The following GCA variants were observed in gnomAD, a reference collection of about 807,000 sequenced individuals.
The protein encoded by GCA is grancalcin, EF-hand calcium-binding protein.
GCA carries 30 observed loss-of-function variants against 32.6 expected under a neutral mutation model. The observed-to-expected ratio is 0.92, with a 90% CI of 0.69 to 1.25. The LOEUF is 1.25. Among genes scored for constraint, GCA ranks in the 50% most tolerant of loss-of-function variants. The pLI is 0.00. For synonymous variants in GCA, 102 were observed against 84.6 expected (o/e 1.21, Z -1.13); for missense variants, 291 against 266.8 (o/e 1.09, Z -0.63).
intron 3 of GCA, 104 bp downstream of exon 3, chr2:162,352,511 C>T: frequency 1.4e-6 from 1 of 724,182 alleles, no homozygotes; most frequent in South Asian, 1.7e-5. Flanking sequence ...CACAGTTATA[C>T]ATGCACATAG....
chr2:162,364,600 G>A (rs927550485), downstream of GCA, among the ~76,000 whole-genome samples: 3 of 151,432 alleles, frequency 2.0e-5, no homozygotes, highest in Non-Finnish European at 4.4e-5. Flanking sequence ...TTAAGATGAA[G>A]GTTGGGAAAT....
downstream of GCA, among the ~76,000 whole-genome samples, chr2:162,366,172 G>C (rs1281784267): frequency 1.3e-5 from 2 of 151,630 alleles, no homozygotes; most frequent in Non-Finnish European, 3.0e-5. Context: ...TCATTCAGGG[G>C]ATTCATCTAA....
chr2:162,339,244 A>G (rs762052016), upstream of GCA, among the ~76,000 whole-genome samples: 4 of 152,184 alleles, frequency 2.6e-5, no homozygotes, highest in Non-Finnish European at 5.9e-5. Flanking sequence ...GCTTCACTTG[A>G]TAGTGTCATA....
At position 162,332,322 on chromosome 2, in the gene GCA, A is replaced by ATATAT. The variant is rs1236272662; in HGVS notation, c.-31+13097_-31+13098insTATAT. On this transcript the variant is annotated intron_variant, in intron 1 of 4. Coordinates refer to the GCA transcript ENST00000429691. ...AGACTCCATCTCAAAAAAAAAAAAA[A>ATATAT]ATATATATATATATATAATATATAA... Among the ~76,000 whole-genome samples, 9 of 136,916 alleles carry ATATAT rather than the reference A, an allele frequency of 6.6e-5. No individual in the cohort carries two copies. In the South Asian group the frequency reaches 2.0e-3, roughly 30 times the overall value. 89.8% of individuals were successfully genotyped at this position (136,916 alleles called of 152,430 possible). A position where few individuals can be genotyped will look rare whatever the true frequency, so the allele number is the denominator to read the frequency against.
chr2:162,362,851 T>G lies in GCA; in HGVS notation c.*2608T>G, dbSNP rs1685633470. Among the ~76,000 whole-genome samples, 1 of 151,406 alleles carries G rather than the reference T, an allele frequency of 6.6e-6. No homozygotes were observed. Among genetic ancestry groups the G allele is most frequent in the Non-Finnish European group, 1.5e-5 (1 of 67,540 alleles). Reference sequence around the variant, plus strand: ...ATCTTAATTTGGTCCACTTTAAATGTAATTTCAAGGATTTCTCATTTGACC... The same window carrying G: ...ATCTTAATTTGGTCCACTTTAAATGGAATTTCAAGGATTTCTCATTTGACC... On this transcript the variant is annotated 3_prime_UTR_variant, in exon 8 of 8. Coordinates refer to ENST00000437150, the MANE Select transcript of GCA (RefSeq NM_012198.5).
Position 162,352,346 on chromosome 2 carries a change from A to C in GCA, c.201A>C (p.Glu67Asp), listed in dbSNP as rs1355759760. The change falls in exon 3 of 8, where the codon GAA becomes GAC. Residue 67 changes from glutamate (E) to aspartate (D), a missense_variant. By Grantham distance (45) the Glu-to-Asp change is conservative. Transcript: ENST00000437150. ...TAATTATTTTTAAACAGGATGGTGA[A>C]GTGGATGCTGAAGAACTTCAGAGAT... ...YFSAVAGQDG[E>D]VDAEELQRCL... is the part of the protein sequence containing the mutation. The C allele has an allele frequency of 6.4e-7, 1 of 1,567,108 alleles. No individual in the cohort carries two copies. The highest frequency in any genetic ancestry group is 1.7e-5 in the Admixed American group (1 of 59,874).
chr2:162,337,746 C>T (rs1684316176), intron 1 of GCA, among the ~76,000 whole-genome samples: 1 of 152,102 alleles, frequency 6.6e-6, no homozygotes, highest in African/African-American at 2.4e-5. Flanking sequence ...TCTTTTACTT[C>T]AGTTCCTAAT....
chr2:162,325,606 A>G (rs761930432), intron 1 of GCA, among the ~76,000 whole-genome samples: 2 of 152,076 alleles, frequency 1.3e-5, no homozygotes, highest in Non-Finnish European at 2.9e-5. Context: ...TTCCCATGTC[A>G]TCACTGGGAT....
chr2:162,360,487 G>A lies in GCA; in HGVS notation c.*244G>A, dbSNP rs987289207. On this transcript the variant is annotated 3_prime_UTR_variant, in exon 8 of 8. Transcript: ENST00000437150. ...TATGTGCATATTGTCATAAAATATT[G>A]TATGATTAATTGATTTAAATAATGC... 2 of 976,026 alleles carry A rather than the reference G, an allele frequency of 2.0e-6. No homozygotes were observed. Among genetic ancestry groups the A allele is most frequent in the South Asian group, 3.3e-5 (1 of 30,494 alleles). 60.5% of individuals were successfully genotyped at this position (976,026 alleles called of 1,614,324 possible).
chr2:162,374,128 T>C (rs766813023), downstream of GCA, among the ~76,000 whole-genome samples: 65 of 152,256 alleles, frequency 4.3e-4, no homozygotes, highest in Admixed American at 7.2e-4. Flanking sequence ...TTAACACTTT[T>C]TAACCTTACC....
In GCA at chr2:162,361,461, A is replaced by G. The variant is rs903124707; in HGVS notation, c.*1218A>G. ...TTTCTAACCTAACAGTGAGTGACAT[A>G]ATTTTATGACTGCTGACCAAATTAA... On this transcript the variant is annotated 3_prime_UTR_variant, in exon 8 of 8. Transcript: ENST00000437150. 1 of 977,216 alleles carries G rather than the reference A, an allele frequency of 1.0e-6. No individual in the cohort carries two copies. The highest frequency in any genetic ancestry group is 1.2e-6 in the Non-Finnish European group (1 of 822,802). 60.5% of individuals were successfully genotyped at this position (977,216 alleles called of 1,614,324 possible).
chr2:162,331,018 T>A (rs1242014023), intron 1 of GCA, among the ~76,000 whole-genome samples: 1 of 152,238 alleles, frequency 6.6e-6, no homozygotes, highest in Non-Finnish European at 1.5e-5. Context: ...GCACTATGAC[T>A]CATACCTGAA....
chr2:162,327,095 G>T (rs1239771037), intron 1 of GCA, among the ~76,000 whole-genome samples: 1 of 152,110 alleles, frequency 6.6e-6, no homozygotes, highest in African/African-American at 2.4e-5. Flanking sequence ...GGGGTGGCAG[G>T]AATTGGTTCT....
chr2:162,356,506 T>C (rs369312258), intron 4 of GCA, 25 bp downstream of exon 4: 14 of 1,426,134 alleles, frequency 9.8e-6, no homozygotes, highest in African/African-American at 8.4e-5. Context: ...AAATAGAAAA[T>C]ACTAGAATAA....
downstream of GCA, among the ~76,000 whole-genome samples, chr2:162,375,052 T>A (rs1312582452): frequency 6.6e-6 from 1 of 152,184 alleles, no homozygotes; most frequent in Non-Finnish European, 1.5e-5. Flanking sequence ...ACTCTTCAAG[T>A]CCCAGCTTAT....
At chr2:162,338,022 T>C (rs1230494413) in intron 1 of GCA, among the ~76,000 whole-genome samples, 1 of 152,254 alleles carries the variant, frequency 6.6e-6, no homozygotes, top group Non-Finnish European at 1.5e-5. Context: ...GCAACTGCTT[T>C]GATCTGTGTC....
At position 162,368,843 on chromosome 2, in the gene GCA, G is replaced by A. The variant is rs535753225; in HGVS notation, c.366-2463G>A. On this transcript the variant is annotated intron_variant, in intron 4 of 4. Coordinates refer to the GCA transcript ENST00000414723. ...GATTATTAATTTAAAAACCCCATGA[G>A]AATTGTGCTTCATCATTTCTTATTC... Among the ~76,000 whole-genome samples, 4 of 152,108 alleles carry A rather than the reference G, an allele frequency of 2.6e-5. No individual in the cohort carries two copies. In the East Asian group the frequency reaches 7.8e-4, roughly 29 times the overall value.
chr2:162,359,528 G>T lies in GCA; in HGVS notation c.603G>T (p.Gly201=). 2.6e-6 allele frequency: 4 copies of T among 1,547,556 alleles called. No individual in the cohort carries two copies. The highest frequency in any genetic ancestry group is 1.2e-5 in the South Asian group (1 of 86,034). ...GGAAAAGAGACCACTTGCAACAAGG[G>T]TCTGCGAATTTCATATATGACGATG... ...FFRKRDHLQQ[G]SANFIYDDFL... is the part of the protein sequence containing the mutation. Residue 201 remains glycine, a synonymous_variant, in exon 7 of 8, where the codon GGG becomes GGT. Transcript: ENST00000437150.
At chr2:162,336,668 T>C (rs1684280341) in intron 1 of GCA, among the ~76,000 whole-genome samples, 1 of 152,198 alleles carries the variant, frequency 6.6e-6, no homozygotes, top group Non-Finnish European at 1.5e-5. Context: ...GTCTTCTATA[T>C]AGCCTAGTTG....
Sources: allele counts gnomAD v4.1 joint callset (sites outside exome capture counted in the v4.1 genomes callset), GRCh38; gene constraint gnomAD v4.1.1; transcripts MANE v1.5; gene names NCBI Gene and HGNC (gene_info 2026-07-23, HGNC 2026-07-21).